TM9SF2: variants seen among roughly 807,000 people sequenced by gnomAD.
TM9SF2 encodes the protein 76 kDa membrane protein.
Under a neutral mutation model 84.9 loss-of-function variants are expected in TM9SF2, and 13 were observed. The ratio of observed to expected loss-of-function variants is 0.15; its 90% CI spans 0.10 to 0.24. The LOEUF (loss-of-function observed/expected upper bound fraction) is 0.24, where lower values mean the gene tolerates loss of function less well. TM9SF2 is among the 10% of genes least tolerant of loss of function. The pLI is 1.00. For synonymous variants in TM9SF2, 273 were observed against 285.8 expected, an observed-to-expected ratio of 0.96 and a Z score of 0.45; for missense variants, 562 against 818.5, an observed-to-expected ratio of 0.69 and a Z score of 3.82.
chr13:99,562,593 C>A lies in TM9SF2; in HGVS notation c.1925-98C>A, dbSNP rs41280154. ...CGGTGGGTAATAGTTTATAGTTTTGCGACTTTTTTAAGGAACCAGTCATTG... is the reference window on the plus strand; with the variant it reads ...CGGTGGGTAATAGTTTATAGTTTTGAGACTTTTTTAAGGAACCAGTCATTG... On this transcript the variant is annotated intron_variant, in intron 16 of 16. Transcript: ENST00000376387. The A allele has an allele frequency of 2.6e-3, 3,123 of 1,188,456 alleles. 8 individuals are homozygous for A. Among genetic ancestry groups the A allele is most frequent in the Non-Finnish European group, 3.3e-3 (2,755 of 836,494 alleles). The allele number at this position is 1,188,456 out of a possible 1,614,324, so 73.6% of individuals were successfully genotyped here. A position where few individuals can be genotyped will look rare whatever the true frequency, so the allele number is the denominator to read the frequency against.
At chr13:99,556,545 A>G (rs1438438622) in intron 15 of TM9SF2, among the ~76,000 whole-genome samples, 1 of 143,974 alleles carries the variant, frequency 6.9e-6, no homozygotes, top group Non-Finnish European at 1.5e-5. Context: ...GGTTCATCAT[A>G]TCATGGCATG....
intron 16 of TM9SF2, among the ~76,000 whole-genome samples, chr13:99,562,300 T>G (rs1477032814): frequency 4.6e-5 from 7 of 152,240 alleles, no homozygotes; most frequent in African/African-American, 1.7e-4. Context: ...ATATCCCCAT[T>G]TAATCATTAT....
intron 16 of TM9SF2, among the ~76,000 whole-genome samples, chr13:99,560,857 A>G (rs2046342089): frequency 6.6e-6 from 1 of 151,252 alleles, no homozygotes; most frequent in South Asian, 2.1e-4. Context: ...AATTTTTTTT[A>G]TTTTTAGTAG....
intron 1 of TM9SF2, among the ~76,000 whole-genome samples, chr13:99,511,923 TAAAG>T (rs1212395096): frequency 2.6e-5 from 4 of 152,232 alleles, no homozygotes; most frequent in Non-Finnish European, 5.9e-5. Context: ...TTCCTCGTGT[TAAAG>T]AAGCAAGGAA....
chr13:99,509,640 A>G (rs907298041), intron 1 of TM9SF2, among the ~76,000 whole-genome samples: 3 of 152,164 alleles, frequency 2.0e-5, no homozygotes, highest in Non-Finnish European at 4.4e-5. Flanking sequence ...AAGGCTGCAC[A>G]GGGCAGTGGG....
rs1035643137 is a variant in TM9SF2, at chr13:99,551,340, C to T, written c.1329-827C>T. On this transcript the variant is annotated intron_variant, in intron 12 of 16. Transcript: ENST00000376387. ...GAAGCAGGCCCTGTATCCATGGCAG[C>T]GTGCTAGATGTGGCACCATGAGCCA... 4.6e-5 allele frequency among the ~76,000 whole-genome samples: 7 copies of T among 152,198 alleles called. No individual in the cohort carries two copies. The East Asian group carries it at 5.8e-4, about 13-fold the overall frequency.
chr13:99,552,586 T>C (rs2046309633), intron 13 of TM9SF2, among the ~76,000 whole-genome samples: 1 of 143,282 alleles, frequency 7.0e-6, no homozygotes. Context: ...TATAAACTAA[T>C]GAAAACATTC....
In TM9SF2 at chr13:99,532,166, C is replaced by T. The variant is rs548882446; in HGVS notation, c.461+2572C>T. Among the ~76,000 whole-genome samples, 776 of 151,964 alleles carry T rather than the reference C, an allele frequency of 5.1e-3. 12 individuals are homozygous for T. The highest frequency in any genetic ancestry group is 0.018 in the African/African-American group (734 of 41,462). On this transcript the variant is annotated intron_variant, in intron 4 of 16. Transcript: ENST00000376387. The stretch of plus-strand genomic sequence containing the variant: ...TCCCGGGTCCACGCCATTCTCCTGC[C>T]TCAGCCTCCCGAGTAGCTGGGACTA...
intron 4 of TM9SF2, among the ~76,000 whole-genome samples, chr13:99,529,846 ATAGAG>A (rs1490108463): frequency 6.6e-6 from 1 of 152,222 alleles, no homozygotes; most frequent in Non-Finnish European, 1.5e-5. Flanking sequence ...GATCTGGTAC[ATAGAG>A]TAGTTATTTT....
At position 99,525,854 on chromosome 13, in the gene TM9SF2, CAGG is replaced by C. The variant is rs2046181034; in HGVS notation, c.334-3608_334-3606del. Among the ~76,000 whole-genome samples, 3 of 152,122 alleles carry C rather than the reference CAGG, an allele frequency of 2.0e-5. No individual in the cohort carries two copies. The South Asian group carries it at 6.2e-4, about 32-fold the overall frequency. ...ACAGGCGTGAGCCACCGCGCCCGGCCAGGAGGACTTGTGATAGATCTTTAAGCA... is the reference window on the plus strand; with the variant it reads ...ACAGGCGTGAGCCACCGCGCCCGGCCAGGACTTGTGATAGATCTTTAAGCA... On this transcript the variant is annotated intron_variant, in intron 3 of 16. Transcript: ENST00000376387.
intron 3 of TM9SF2, among the ~76,000 whole-genome samples, chr13:99,523,130 A>G (rs1180180126): frequency 2.0e-5 from 3 of 152,186 alleles, no homozygotes; most frequent in African/African-American, 2.4e-5. Context: ...TCATTTCACT[A>G]TTGATTCTTT....
chr13:99,536,815 T>G (rs2046236489), intron 5 of TM9SF2, 78 bp downstream of exon 5: 2 of 1,529,084 alleles, frequency 1.3e-6, no homozygotes, highest in Non-Finnish European at 1.8e-6. Context: ...GGACAAAAAT[T>G]GTTATATTCA....
At chr13:99,556,811 C>T (rs2046326698) in intron 15 of TM9SF2, among the ~76,000 whole-genome samples, 1 of 152,180 alleles carries the variant, frequency 6.6e-6, no homozygotes, top group East Asian at 1.9e-4. Flanking sequence ...TGGTCTCGAT[C>T]TCCTGACCTC....
At chr13:99,504,044 C>T (rs937526659) in intron 1 of TM9SF2, among the ~76,000 whole-genome samples, 1 of 152,092 alleles carries the variant, frequency 6.6e-6, no homozygotes, top group East Asian at 1.9e-4. Flanking sequence ...TTTTTTCCTG[C>T]GATATGACTA....
At chr13:99,539,610 C>A in intron 7 of TM9SF2, 53 bp downstream of exon 7, 1 of 1,111,998 alleles carries the variant, frequency 9.0e-7, no homozygotes. Context: ...TAAATTTGTA[C>A]TACTTAAACT....
At chr13:99,562,383 A>G (rs1289281184) in intron 16 of TM9SF2, among the ~76,000 whole-genome samples, 1 of 152,260 alleles carries the variant, frequency 6.6e-6, no homozygotes, top group Non-Finnish European at 1.5e-5. Flanking sequence ...GTTGTAAAAT[A>G]TTCTTAAATA....
chr13:99,556,188 A>G (rs2046323937), intron 15 of TM9SF2, among the ~76,000 whole-genome samples: 1 of 147,118 alleles, frequency 6.8e-6, no homozygotes, highest in Admixed American at 6.9e-5. Context: ...TATTGTCTAT[A>G]TTGGAGAAAA....
chr13:99,557,885 A>G (rs1414721025), intron 15 of TM9SF2, among the ~76,000 whole-genome samples: 1 of 152,072 alleles, frequency 6.6e-6, no homozygotes, highest in Non-Finnish European at 1.5e-5. Context: ...CCGACCAAAA[A>G]AAAGAATTAT....
chr13:99,527,748 T>A (rs2046190309), intron 3 of TM9SF2, among the ~76,000 whole-genome samples: 1 of 152,248 alleles, frequency 6.6e-6, no homozygotes, highest in South Asian at 2.1e-4. Flanking sequence ...GGTGGTGAGA[T>A]ACATAACAAT....
Sources: allele counts gnomAD v4.1 joint callset (sites outside exome capture counted in the v4.1 genomes callset), GRCh38; gene constraint gnomAD v4.1.1; transcripts MANE v1.5; gene names NCBI Gene and HGNC (gene_info 2026-07-23, HGNC 2026-07-21).